Variants in DOC2A observed in about 807,000 individuals in gnomAD.
DOC2A encodes the protein double C2-like domain-containing protein alpha.
A neutral mutation model predicts 40.6 loss-of-function variants in DOC2A; 28 were observed. The observed-to-expected ratio is 0.69, with a 90% CI of 0.51 to 0.95. DOC2A has a LOEUF of 0.95. Among genes scored for constraint, DOC2A ranks in the 40% least tolerant of loss-of-function variants. The pLI is 0.00. For synonymous variants in DOC2A, 241 were observed against 236.9 expected (o/e 1.02, Z -0.16); for missense variants, 474 against 552.5 (o/e 0.86, Z 1.42).
chr16:30,021,880 CA>C (rs1038595016), upstream of DOC2A, among the ~76,000 whole-genome samples: 15 of 152,018 alleles, frequency 9.9e-5, no homozygotes, highest in African/African-American at 3.6e-4. Context: ...ACCCCCCCCC[CA>C]GGAAGTGTGC....
chr16:30,006,949 C>G lies in DOC2A; in HGVS notation c.715-1G>C. ...CCTGCCCCTGCTCCGCCTGCTCCAACTGCGGGGCACAGACTCAGGGTCAGC... is the reference window on the plus strand; with the variant it reads ...CCTGCCCCTGCTCCGCCTGCTCCAAGTGCGGGGCACAGACTCAGGGTCAGC... On this transcript the variant is annotated splice_acceptor_variant, in intron 7 of 10. Transcript: ENST00000350119. LOFTEE classifies it high-confidence loss of function. This position sits in a 1 kb window ranked among gnomAD's most constrained non-coding sequence, Gnocchi z 6.2. 6.2e-7 allele frequency: 1 copy of G among 1,613,630 alleles called. No homozygotes were observed.
upstream of DOC2A, chr16:30,011,446 G>A (rs1304275601): frequency 1.0e-6 from 1 of 978,634 alleles, no homozygotes; most frequent in African/African-American, 1.8e-5. Context: ...CTGGCCCCCC[G>A]CCCCCGCCCG....
At position 30,010,585 on chromosome 16, in the gene DOC2A, C is replaced by A. The variant is rs920786836; in HGVS notation, c.-14+318G>T. 1.7e-5 allele frequency: 6 copies of A among 346,542 alleles called. No individual in the cohort carries two copies. The highest frequency in any genetic ancestry group is 2.7e-5 in the Non-Finnish European group (5 of 182,074). The allele number at this position is 346,542 out of a possible 1,614,324, so 21.5% of individuals were successfully genotyped here. Reference sequence around the variant, plus strand: ...CCTGCCTGTCCCCCAAGGGGCCCTGCAGGGCCCCGCCTCTGTTTCTCGGAG... The same window carrying A: ...CCTGCCTGTCCCCCAAGGGGCCCTGAAGGGCCCCGCCTCTGTTTCTCGGAG... On this transcript the variant is annotated intron_variant, in intron 1 of 10. Transcript: ENST00000350119. The surrounding 1 kb of genome is among the most constrained non-coding windows in gnomAD (Gnocchi z 4.2).
chr16:30,010,099 G>T lies in DOC2A; in HGVS notation c.124C>A (p.Pro42Thr), dbSNP rs1217537559. Residue 42 changes from proline (P) to threonine (T), a missense_variant, in exon 2 of 11, where the codon CCT (proline) becomes ACT (threonine). Transcript: ENST00000350119. The surrounding 1 kb of genome is among the most constrained non-coding windows in gnomAD (Gnocchi z 4.2). ...ISDYFPRGPG[P>T]EGGGGGGGEA... ...CCGCCGCCCCCGCCGCCCCCTTCAG[G>T]TCCTGGTCCCCGGGGGAAGTAGTCA... 6.2e-7 allele frequency: 1 copy of T among 1,613,018 alleles called. No individual in the cohort carries two copies. The highest frequency in any genetic ancestry group is 1.7e-5 in the Admixed American group (1 of 59,986).
chr16:30,007,521 G>T, intron 5 of DOC2A: 1 of 613,024 alleles, frequency 1.6e-6, no homozygotes, highest in Non-Finnish European at 2.9e-6. Context: ...GCCATTGTGG[G>T]AAGCCCTCAG....
upstream of DOC2A, among the ~76,000 whole-genome samples, chr16:30,011,936 G>C (rs1567285488): frequency 1.3e-5 from 2 of 152,172 alleles, no homozygotes; most frequent in East Asian, 3.9e-4. Flanking sequence ...AGAGCCCTGC[G>C]GTAGTTCCCC....
chr16:30,011,988 C>G (rs1296199584), upstream of DOC2A, among the ~76,000 whole-genome samples: 3 of 152,148 alleles, frequency 2.0e-5, no homozygotes, highest in African/African-American at 7.2e-5. Flanking sequence ...ACCCCCAAGC[C>G]GCCCCCCTGC....
chr16:30,009,439 G>A lies in DOC2A; in HGVS notation c.342+39C>T, dbSNP rs745348941. The A allele has an allele frequency of 8.8e-5, 136 of 1,545,234 alleles. No homozygotes were observed. The highest frequency in any genetic ancestry group is 1.2e-4 in the Admixed American group (6 of 50,982). ...AATGGGCCCCCTCTGGGGGCTGCAC[G>A]CAAACCGGGCCCGGGCTTGGGTGGC... is the stretch of plus-strand genomic sequence containing the variant. On this transcript the variant is annotated intron_variant, in intron 3 of 10. Coordinates refer to ENST00000350119, the MANE Select transcript of DOC2A (RefSeq NM_003586.3). This position sits in a 1 kb window ranked among gnomAD's most constrained non-coding sequence, Gnocchi z 4.1.
At chr16:30,015,443 G>T (rs1283746996), upstream of DOC2A, among the ~76,000 whole-genome samples, 1 of 152,146 alleles carries the variant, frequency 6.6e-6, no homozygotes, top group African/African-American at 2.4e-5. Context: ...ACACTCCTGA[G>T]TAGCTGGGAT....
Position 30,009,293 on chromosome 16 carries a change from G to C in DOC2A, c.343-17C>G. 1 of 1,552,554 alleles carries C rather than the reference G, an allele frequency of 6.4e-7. No individual in the cohort carries two copies. Among genetic ancestry groups the C allele is most frequent in the South Asian group, 1.2e-5 (1 of 84,450 alleles). On this transcript the variant is annotated splice_polypyrimidine_tract_variant and intron_variant, in intron 3 of 10. Coordinates refer to ENST00000350119, the MANE Select transcript of DOC2A (RefSeq NM_003586.3). This position sits in a 1 kb window ranked among gnomAD's most constrained non-coding sequence, Gnocchi z 4.1. The stretch of plus-strand genomic sequence containing the variant: ...CTTGAGGCCCTGGAGAGGAGGGCAG[G>C]GGAGAGGGCTAGAGGCTCCCGGCAC...
At chr16:30,018,103 CAAAAAAAAAAA>C (rs34061843) in intron 1 of DOC2A, among the ~76,000 whole-genome samples, 2 of 61,580 alleles carry the variant, frequency 3.2e-5, no homozygotes, top group Non-Finnish European at 6.0e-5. Context: ...CTATTTCTAC[CAAAAAAAAAAA>C]AAAAAAAAAA....
At chr16:30,016,861 G>A (rs2070860828), upstream of DOC2A, among the ~76,000 whole-genome samples, 1 of 152,076 alleles carries the variant, frequency 6.6e-6, no homozygotes, top group South Asian at 2.1e-4. Context: ...AACTGACGTG[G>A]GGACAGGGGA....
At position 30,007,067 on chromosome 16, in the gene DOC2A, T is replaced by C; in HGVS notation, c.678A>G (p.Ser226=). 1 of 1,613,730 alleles carries C rather than the reference T, an allele frequency of 6.2e-7. No homozygotes were observed. The change falls in exon 7 of 11, where the codon TCA becomes TCG. Residue 226 remains serine, a synonymous_variant. Transcript: ENST00000350119. ...AACAGGAGATGCCCCTCAGCGCCGCTGACATGGAAGAGGGGGACGCCAGCT... is the reference window on the plus strand; with the variant it reads ...AACAGGAGATGCCCCTCAGCGCCGCCGACATGGAAGAGGGGGACGCCAGCT... The part of the protein sequence containing the change: ...QVPLASPSSM[S]AALRGISCYL...
At chr16:30,015,841 T>C (rs1251075215), upstream of DOC2A, among the ~76,000 whole-genome samples, 1 of 148,932 alleles carries the variant, frequency 6.7e-6, no homozygotes, top group African/African-American at 2.5e-5. Flanking sequence ...GCTGGGACTA[T>C]AGGTATGCAC....
Position 30,010,881 on chromosome 16 carries a change from C to T in DOC2A, c.-14+22G>A, listed in dbSNP as rs1459921547. ...TTCCCCGCACCCTCACGCCCCCGGCCTGCCCAGCCCCCTGCACCTGCCTCT... is the reference window on the plus strand; with the variant it reads ...TTCCCCGCACCCTCACGCCCCCGGCTTGCCCAGCCCCCTGCACCTGCCTCT... On this transcript the variant is annotated intron_variant, in intron 1 of 10. Coordinates refer to ENST00000350119, the MANE Select transcript of DOC2A (RefSeq NM_003586.3). The surrounding 1 kb of genome is among the most constrained non-coding windows in gnomAD (Gnocchi z 4.2). 5.0e-5 allele frequency: 50 copies of T among 1,005,136 alleles called. No homozygotes were observed. The highest frequency in any genetic ancestry group is 5.9e-5 in the Non-Finnish European group (50 of 841,128). The allele number at this position is 1,005,136 out of a possible 1,614,324, so 62.3% of individuals were successfully genotyped here.
At chr16:30,011,353 C>G (rs1345701801), upstream of DOC2A, 1 of 985,222 alleles carries the variant, frequency 1.0e-6, no homozygotes, top group Non-Finnish European at 1.2e-6. Context: ...CACACACACG[C>G]ACTCGCAAAC....
chr16:30,005,946 G>A lies in DOC2A; in HGVS notation c.*240C>T, dbSNP rs922084995. ...GCCGGGCTCTGAGCACTGCCCGGGTGTGCAGATGATGGGGGGTTTGCATAT... is the reference window on the plus strand; with the variant it reads ...GCCGGGCTCTGAGCACTGCCCGGGTATGCAGATGATGGGGGGTTTGCATAT... On this transcript the variant is annotated 3_prime_UTR_variant, in exon 11 of 11. Coordinates refer to ENST00000350119, the MANE Select transcript of DOC2A (RefSeq NM_003586.3). The A allele has an allele frequency of 1.2e-5, 7 of 588,632 alleles. No homozygotes were observed. The highest frequency in any genetic ancestry group is 3.1e-5 in the Admixed American group (1 of 32,456). The allele number at this position is 588,632 out of a possible 1,614,324, so 36.5% of individuals were successfully genotyped here.
intron 5 of DOC2A, chr16:30,008,610 C>G: frequency 3.8e-6 from 1 of 262,946 alleles, no homozygotes; most frequent in Non-Finnish European, 7.5e-6. Context: ...TTCAAGTGAT[C>G]CTCCTGCCTC....
intron 1 of DOC2A, among the ~76,000 whole-genome samples, chr16:30,017,976 A>G (rs1346241670): frequency 6.9e-6 from 1 of 145,790 alleles, no homozygotes; most frequent in Non-Finnish European, 1.5e-5. Context: ...AAAAAAAAAA[A>G]AAGAAAGAAA....
Sources: gnomAD v4.1 joint callset for allele counts (sites outside exome capture counted in the v4.1 genomes callset) on GRCh38, gnomAD v4.1.1 for gene constraint, Gnocchi (gnomAD v3.1) non-coding constraint, MANE v1.5 for transcripts, NCBI Gene and HGNC (gene_info 2026-07-23, HGNC 2026-07-21) for gene names.